Variants in HOMER1 observed in about 807,000 individuals in gnomAD.
HOMER1 encodes homer protein homolog 1.
A neutral mutation model predicts 48.9 loss-of-function variants in HOMER1; 3 were observed. The ratio of observed to expected loss-of-function variants is 0.06; its 90% confidence interval spans 0.03 to 0.16. HOMER1 has a LOEUF of 0.16. HOMER1 is among the 10% of genes least tolerant of loss of function. The probability of loss-of-function intolerance (pLI) is 1.00; values close to 1 mark genes in which losing one functional copy is unlikely to be tolerated. For missense variants in HOMER1, 247 were observed against 411.4 expected (o/e 0.60, Z 3.46); for synonymous variants, 134 against 146.4 (o/e 0.92, Z 0.61).
At chr5:79,501,225 C>A (rs1305943206) in intron 1 of HOMER1, among the ~76,000 whole-genome samples, 4 of 152,130 alleles carry the variant, frequency 2.6e-5, no homozygotes, top group African/African-American at 9.7e-5. Context: ...CCTGCCTGGG[C>A]CTCCCAAAGT....
chr5:79,379,260 T>G (rs1748887450), intron 8 of HOMER1, among the ~76,000 whole-genome samples: 2 of 102,326 alleles, frequency 2.0e-5, no homozygotes, highest in South Asian at 5.1e-4. Flanking sequence ...ATCTATTATA[T>G]ATATTATATA....
At chr5:79,440,122 A>G (rs1393351706) in intron 4 of HOMER1, among the ~76,000 whole-genome samples, 2 of 152,190 alleles carry the variant, frequency 1.3e-5, no homozygotes, top group African/African-American at 2.4e-5. Flanking sequence ...AGGAATGATC[A>G]TAATTTGTCA....
At chr5:79,381,418 T>C (rs2112190416) in intron 8 of HOMER1, among the ~76,000 whole-genome samples, 1 of 152,302 alleles carries the variant, frequency 6.6e-6, no homozygotes, top group Middle Eastern at 3.4e-3. Context: ...TGTGTAGATA[T>C]CAGTGTAAGA....
intron 1 of HOMER1, among the ~76,000 whole-genome samples, chr5:79,505,286 G>A (rs977427029): frequency 2.0e-5 from 3 of 152,038 alleles, no homozygotes; most frequent in African/African-American, 7.2e-5. Flanking sequence ...TAGACAATGA[G>A]AAATTAGGAA....
chr5:79,470,480 C>A (rs536032829), intron 1 of HOMER1, among the ~76,000 whole-genome samples: 1 of 152,248 alleles, frequency 6.6e-6, no homozygotes, highest in South Asian at 2.1e-4. Flanking sequence ...GAAGCAGATA[C>A]ACAACACCCA....
intron 4 of HOMER1, among the ~76,000 whole-genome samples, chr5:79,446,799 G>C (rs1232732909): frequency 7.0e-6 from 1 of 143,092 alleles, no homozygotes; most frequent in Non-Finnish European, 1.5e-5. Context: ...CACCACACTT[G>C]GCTAATTTTT....
chr5:79,391,526 C>G (rs1749251200), intron 8 of HOMER1, among the ~76,000 whole-genome samples: 1 of 151,548 alleles, frequency 6.6e-6, no homozygotes, highest in African/African-American at 2.4e-5. Context: ...GGGCAGATCA[C>G]GAAGTCAGGA....
chr5:79,376,216 A>T lies in HOMER1; in HGVS notation c.877-19T>A, dbSNP rs371456227. The T allele has an allele frequency of 6.3e-7, 1 of 1,581,772 alleles. No individual in the cohort carries two copies. Among genetic ancestry groups the T allele is most frequent in the Non-Finnish European group, 8.7e-7 (1 of 1,153,446 alleles). On this transcript the variant is annotated intron_variant, in intron 8 of 8. Coordinates refer to ENST00000334082, the MANE Select transcript of HOMER1 (RefSeq NM_004272.5). ...CTACTTCCTTCAGAAACAAAAGTGT[A>T]ACATGTATATATGTCAATTCATCAC... is the stretch of plus-strand genomic sequence containing the variant.
Position 79,375,904 on chromosome 5 carries a change from ATTTTT to A in HOMER1, c.*100_*104del. The A allele has an allele frequency of 1.8e-4, 62 of 352,460 alleles. No homozygotes were observed. Among genetic ancestry groups the A allele is most frequent in the Non-Finnish European group, 2.1e-4 (43 of 205,034 alleles). 21.8% of individuals were successfully genotyped at this position (352,460 alleles called of 1,614,324 possible). A position where few individuals can be genotyped will look rare whatever the true frequency, so the allele number is the denominator to read the frequency against. ...CCTCCTCCTGGAGGAGTGATATTCA[ATTTTT>A]TTTTTTTTTTTTTTGTGCAATCTTG... On this transcript the variant is annotated 3_prime_UTR_variant, in exon 9 of 9. Transcript: ENST00000334082.
intron 1 of HOMER1, among the ~76,000 whole-genome samples, chr5:79,475,962 TAAAG>T (rs1360540611): frequency 6.6e-6 from 1 of 152,182 alleles, no homozygotes. Flanking sequence ...TAAAATTCAG[TAAAG>T]AGACAATTAT....
At chr5:79,415,744 C>T (rs1161890667) in intron 5 of HOMER1, among the ~76,000 whole-genome samples, 1 of 152,186 alleles carries the variant, frequency 6.6e-6, no homozygotes, top group Admixed American at 6.5e-5. Context: ...ATGCCTTTAT[C>T]ACTCTATAAA....
At chr5:79,436,050 C>T (rs1174322399) in intron 5 of HOMER1, among the ~76,000 whole-genome samples, 6 of 148,938 alleles carry the variant, frequency 4.0e-5, no homozygotes, top group Admixed American at 6.7e-5. Context: ...GGCGTGAACC[C>T]GGGAAGCGGA....
intron 4 of HOMER1, among the ~76,000 whole-genome samples, chr5:79,441,112 A>G (rs1451271889): frequency 1.3e-5 from 2 of 152,176 alleles, no homozygotes; most frequent in African/African-American, 4.8e-5. Context: ...GCGAGCCGAG[A>G]TCACTGCACT....
intron 3 of HOMER1, among the ~76,000 whole-genome samples, chr5:79,448,930 T>C (rs1183980393): frequency 2.0e-5 from 3 of 148,578 alleles, no homozygotes; most frequent in Non-Finnish European, 4.5e-5. Flanking sequence ...TTACCACCAG[T>C]AAGGCTGGTC....
At chr5:79,398,185 G>A (rs1399435153) in intron 6 of HOMER1, among the ~76,000 whole-genome samples, 1 of 151,778 alleles carries the variant, frequency 6.6e-6, no homozygotes, top group African/African-American at 2.4e-5. Flanking sequence ...TTTACTGGGG[G>A]CCCAAAGAGT....
chr5:79,405,153 A>T (rs752544524), intron 5 of HOMER1, among the ~76,000 whole-genome samples: 1 of 152,142 alleles, frequency 6.6e-6, no homozygotes, highest in African/African-American at 2.4e-5. Flanking sequence ...TAATGTGGTC[A>T]TTAGGGTGGG....
At chr5:79,499,086 G>A (rs1199049925) in intron 1 of HOMER1, among the ~76,000 whole-genome samples, 1 of 151,910 alleles carries the variant, frequency 6.6e-6, no homozygotes, top group Non-Finnish European at 1.5e-5. Context: ...TGCCCACCTC[G>A]GCCTCCCAAG....
At chr5:79,492,547 C>T (rs141543292) in intron 1 of HOMER1, among the ~76,000 whole-genome samples, 277 of 151,776 alleles carry the variant, frequency 1.8e-3, no homozygotes, top group African/African-American at 6.5e-3. Flanking sequence ...CTTTGGTTCA[C>T]ACGAGCGCAA....
rs188960829 is a variant in HOMER1 at position 79,403,039 on chromosome 5, T to C, written c.528-984A>G. The stretch of plus-strand genomic sequence containing the variant: ...TTTAATATTCTACTTGATAAGTTAC[T>C]ACAGTTAAGTACCTCAACTAAAACA... On this transcript the variant is annotated intron_variant, in intron 5 of 8. Transcript: ENST00000334082. Among the ~76,000 whole-genome samples the C allele has an allele frequency of 2.7e-3, 413 of 152,290 alleles. 1 individual carries two copies. Among genetic ancestry groups the C allele is most frequent in the Middle Eastern group, 6.8e-3 (2 of 294 alleles).
Sources: allele counts gnomAD v4.1 joint callset (sites outside exome capture counted in the v4.1 genomes callset), GRCh38; gene constraint gnomAD v4.1.1; transcripts MANE v1.5; gene names NCBI Gene and HGNC (gene_info 2026-07-23, HGNC 2026-07-21).